ZNF100: variants seen among roughly 807,000 people sequenced by gnomAD.
ZNF100 encodes the protein zinc finger protein 100, also known as zinc finger protein 100 (Y1).
ZNF100 carries 12 observed loss-of-function variants against 15.8 expected under a neutral mutation model. The observed-to-expected ratio is 0.76, with a 90% CI of 0.49 to 1.23. The LOEUF is 1.23. Ranked by LOEUF, ZNF100 falls within the 50% of genes most tolerant of loss-of-function variation. ZNF100 has a pLI of 0.00. For synonymous variants in ZNF100, 226 were observed against 214.8 expected (o/e 1.05, Z -0.45); for missense variants, 670 against 635.6 (o/e 1.05, Z -0.58).
intron 2 of ZNF100, among the ~76,000 whole-genome samples, chr19:21,748,274 T>G (rs1253616061): frequency 6.6e-6 from 1 of 152,190 alleles, no homozygotes; most frequent in East Asian, 1.9e-4. Flanking sequence ...CGGCCAAAAC[T>G]CTGACCTTTA....
chr19:21,750,005 T>C (rs111788049), intron 2 of ZNF100, among the ~76,000 whole-genome samples: 3 of 151,898 alleles, frequency 2.0e-5, no homozygotes, highest in African/African-American at 7.2e-5. Context: ...GCTCCCCTCA[T>C]AGAGGCTGCT....
chr19:21,741,310 A>C (rs12971857), intron 4 of ZNF100, among the ~76,000 whole-genome samples: 14,244 of 152,198 alleles, frequency 0.094, 888 homozygotes, highest in South Asian at 0.18. Context: ...CACAAGATGT[A>C]AAATTTCTGT....
chr19:21,759,674 A>C (rs1184450024), intron 2 of ZNF100, among the ~76,000 whole-genome samples: 1 of 152,210 alleles, frequency 6.6e-6, no homozygotes, highest in African/African-American at 2.4e-5. Context: ...CAAGATGGTG[A>C]TGAGAGTGTC....
rs1015588230 is a variant in ZNF100, at chr19:21,726,088, G to C, written c.*595C>G. 6.6e-6 allele frequency: 1 copy of C among 152,174 alleles called. No homozygotes were observed. The highest frequency in any genetic ancestry group is 6.6e-5 in the Admixed American group (1 of 15,266). 9.4% of individuals were successfully genotyped at this position (152,174 alleles called of 1,614,324 possible). On this transcript the variant is annotated 3_prime_UTR_variant, in exon 5 of 5. Coordinates refer to ENST00000358296, the MANE Select transcript of ZNF100 (RefSeq NM_173531.4). ...CTCTAATACAAAACGTGTACAGTAAGATCTGTGATACAAGTAAACATATTA... is the reference window on the plus strand; with the variant it reads ...CTCTAATACAAAACGTGTACAGTAACATCTGTGATACAAGTAAACATATTA...
chr19:21,764,034 T>G (rs1350681509), intron 2 of ZNF100, among the ~76,000 whole-genome samples: 1 of 152,316 alleles, frequency 6.6e-6, no homozygotes, highest in Admixed American at 6.5e-5. Context: ...TAACTGCATC[T>G]GCCTGTGAGC....
chr19:21,756,722 G>T (rs1039489893), intron 2 of ZNF100, among the ~76,000 whole-genome samples: 1 of 152,122 alleles, frequency 6.6e-6, no homozygotes, highest in African/African-American at 2.4e-5. Context: ...ATTGTTAACA[G>T]AACTAAAACT....
chr19:21,740,573 G>A (rs767231914), intron 4 of ZNF100, among the ~76,000 whole-genome samples: 1 of 151,998 alleles, frequency 6.6e-6, no homozygotes, highest in African/African-American at 2.4e-5. Context: ...GTTAATATTC[G>A]GGCCAGGTGC....
intron 2 of ZNF100, among the ~76,000 whole-genome samples, chr19:21,760,922 A>AT (rs567761023): frequency 1.3e-4 from 19 of 150,418 alleles, no homozygotes; most frequent in African/African-American, 2.2e-4. Flanking sequence ...ATGTCCCACT[A>AT]TTTTTTTTTG....
intron 2 of ZNF100, among the ~76,000 whole-genome samples, chr19:21,756,208 G>A (rs1252533150): frequency 6.6e-6 from 1 of 152,124 alleles, no homozygotes; most frequent in Non-Finnish European, 1.5e-5. Context: ...AGGCATTGAA[G>A]GTACATACTT....
In ZNF100 at chr19:21,726,589, G is replaced by A; in HGVS notation, c.*94C>T. 1.8e-6 allele frequency: 2 copies of A among 1,116,602 alleles called. No homozygotes were observed. The highest frequency in any genetic ancestry group is 4.8e-5 in the East Asian group (2 of 41,706). 69.2% of individuals were successfully genotyped at this position (1,116,602 alleles called of 1,614,324 possible). On this transcript the variant is annotated 3_prime_UTR_variant, in exon 5 of 5. Coordinates refer to ENST00000358296, the MANE Select transcript of ZNF100 (RefSeq NM_173531.4). ...GAATTGAGAATTTATTAAAGGCTTT[G>A]CCATATTCTTCACAGTCACAGGAGT...
At chr19:21,744,177 T>G in intron 3 of ZNF100, 62 bp from the exon 4 acceptor site, 1 of 1,363,494 alleles carries the variant, frequency 7.3e-7, no homozygotes, top group Non-Finnish European at 9.8e-7. Flanking sequence ...CCTAGTACTA[T>G]GCTTAGTAAA....
intron 4 of ZNF100, among the ~76,000 whole-genome samples, chr19:21,737,075 A>G (rs1487014889): frequency 6.6e-6 from 1 of 152,132 alleles, no homozygotes; most frequent in African/African-American, 2.4e-5. Context: ...GAGACACAAA[A>G]AAAACCCTTC....
chr19:21,753,293 A>T lies in ZNF100; in HGVS notation c.97-8226T>A, dbSNP rs369664956. 5 of 152,174 alleles carry T rather than the reference A, an allele frequency of 3.3e-5. No homozygotes were observed. The East Asian group carries it at 9.6e-4, about 29-fold the overall frequency. 9.4% of individuals were successfully genotyped at this position (152,174 alleles called of 1,614,324 possible). On this transcript the variant is annotated intron_variant, in intron 2 of 4. Transcript: ENST00000358296. ...GCAAAATTAAATGCAAAAGAAATGC[A>T]CCGGGCATAGTGATTCATGCCTATA... is the stretch of plus-strand genomic sequence containing the variant.
intron 2 of ZNF100, among the ~76,000 whole-genome samples, chr19:21,765,390 T>C (rs2036541647): frequency 6.6e-6 from 1 of 152,208 alleles, no homozygotes; most frequent in Non-Finnish European, 1.5e-5. Flanking sequence ...GACACTGCAT[T>C]ATGCCCCAGT....
At chr19:21,755,236 G>A (rs192697388) in intron 2 of ZNF100, among the ~76,000 whole-genome samples, 2 of 152,094 alleles carry the variant, frequency 1.3e-5, no homozygotes, top group Admixed American at 6.6e-5. Flanking sequence ...GAACCCAGGA[G>A]GCAGAGGTTG....
chr19:21,745,156 C>G, intron 2 of ZNF100, 89 bp from the exon 3 acceptor site: 1 of 1,519,926 alleles, frequency 6.6e-7, no homozygotes, highest in South Asian at 1.3e-5. Context: ...AATGACAGAG[C>G]AAAGAGAATT....
At chr19:21,752,614 G>A (rs1450683733) in intron 2 of ZNF100, 1 of 152,504 alleles carries the variant, frequency 6.6e-6, no homozygotes, top group Admixed American at 6.5e-5. Context: ...TGCATTTCTT[G>A]TGAACTATAA....
intron 4 of ZNF100, 85 bp downstream of exon 4, chr19:21,743,932 T>A: frequency 7.3e-7 from 1 of 1,364,356 alleles, no homozygotes; most frequent in Non-Finnish European, 9.8e-7. Context: ...GAACATAGCT[T>A]CCCAAACCAC....
chr19:21,751,100 G>C lies in ZNF100; in HGVS notation c.97-6033C>G, dbSNP rs574171677. On this transcript the variant is annotated intron_variant, in intron 2 of 4. Coordinates refer to ENST00000358296, the MANE Select transcript of ZNF100 (RefSeq NM_173531.4). ...GAGTCAAACCCTTCTGACCATCCAA[G>C]GGCAAGCACAAGTTTCCTGAGCAAA... The C allele has an allele frequency of 2.9e-4, 421 of 1,435,594 alleles. No homozygotes were observed. The East Asian group carries it at 3.3e-3, about 11-fold the overall frequency. The allele number at this position is 1,435,594 out of a possible 1,614,324, so 88.9% of individuals were successfully genotyped here. A position where few individuals can be genotyped will look rare whatever the true frequency, so the allele number is the denominator to read the frequency against.
Sources: allele counts gnomAD v4.1 joint callset (sites outside exome capture counted in the v4.1 genomes callset), GRCh38; gene constraint gnomAD v4.1.1; transcripts MANE v1.5; gene names NCBI Gene and HGNC (gene_info 2026-07-23, HGNC 2026-07-21).